Variants in MRPL48 observed in about 807,000 individuals in gnomAD.
The protein encoded by MRPL48 is large ribosomal subunit protein mL48.
A neutral mutation model predicts 32.9 loss-of-function variants in MRPL48; 16 were observed. The ratio of observed to expected loss-of-function variants is 0.49; its 90% CI spans 0.33 to 0.74. The LOEUF is 0.74. MRPL48 is among the 30% of genes least tolerant of loss of function. The probability of loss-of-function intolerance (pLI) is 0.02; values close to 1 mark genes in which losing one functional copy is unlikely to be tolerated. For synonymous variants in MRPL48, 94 were observed against 89.2 expected, an observed-to-expected ratio of 1.05 and a Z score of -0.31; for missense variants, 206 against 245.3, an observed-to-expected ratio of 0.84 and a Z score of 1.07.
At position 73,825,715 on chromosome 11, in the gene MRPL48, TC is replaced by T; in HGVS notation, c.121del (p.Leu41TyrfsTer2). On this transcript the variant is annotated frameshift_variant, in exon 4 of 8. Coordinates refer to ENST00000310614, the MANE Select transcript of MRPL48 (RefSeq NM_016055.6). LOFTEE classifies it high-confidence loss of function. ...EKPIYSVGGILLSISRPYKTK... is the reference protein window; with the variant it reads ...EKPIYSVGGIXLSISRPYKTK... ...TTATTTTCTCTCTTTTAGGTGGAAT[TC>T]TACTAAGTATCAGTCGGCCCTACAA... is the stretch of plus-strand genomic sequence containing the variant. 1 of 1,560,648 alleles carries T rather than the reference TC, an allele frequency of 6.4e-7. No individual in the cohort carries two copies. The highest frequency in any genetic ancestry group is 8.7e-7 in the Non-Finnish European group (1 of 1,152,168).
rs58486952 is a variant in MRPL48 at position 73,853,680 on chromosome 11, C to CTTTTTTTTTTTTTTTTTTTT, written c.372-6218_372-6199dup. Among the ~76,000 whole-genome samples the CTTTTTTTTTTTTTTTTTTTT allele has an allele frequency of 7.6e-5, 6 of 79,118 alleles. 2 individuals carry two copies. Among genetic ancestry groups the CTTTTTTTTTTTTTTTTTTTT allele is most frequent in the Non-Finnish European group, 1.2e-4 (5 of 41,842 alleles). The allele number at this position is 79,118 out of a possible 152,430, so 51.9% of individuals were successfully genotyped here. On this transcript the variant is annotated intron_variant, in intron 5 of 7. Transcript: ENST00000310614. ...AGCTGGCGGGAATTAGAGATAGCTTCTTTTTTTTTTTTTTTTTTTTTTTTT... is the reference window on the plus strand; with the variant it reads ...AGCTGGCGGGAATTAGAGATAGCTTCTTTTTTTTTTTTTTTTTTTTTTTTTTTTTTTTTTTTTTTTTTTTT...
At chr11:73,793,858 GT>G (rs1293232778) in intron 1 of MRPL48, among the ~76,000 whole-genome samples, 13,252 of 113,868 alleles carry the variant, frequency 0.12, 685 homozygotes, top group African/African-American at 0.2. Flanking sequence ...CTTGTTTCGT[GT>G]TTTTTTTTTT....
Position 73,794,568 on chromosome 11 carries a change from A to T in MRPL48, c.21+6576A>T, listed in dbSNP as rs574791632. Among the ~76,000 whole-genome samples, 462 of 151,996 alleles carry T rather than the reference A, an allele frequency of 3.0e-3. 3 individuals carry two copies. Among genetic ancestry groups the T allele is most frequent in the Admixed American group, 4.8e-3 (73 of 15,234 alleles). On this transcript the variant is annotated intron_variant, in intron 1 of 7. Coordinates refer to ENST00000310614, the MANE Select transcript of MRPL48 (RefSeq NM_016055.6). ...GAAACTCCATCTCTGGAAAAAAAAA[A>T]AAAATTTAAATCAGGTCAGACAAAC...
chr11:73,845,416 T>C (rs1041975535), intron 5 of MRPL48, among the ~76,000 whole-genome samples: 1 of 152,196 alleles, frequency 6.6e-6, no homozygotes, highest in African/African-American at 2.4e-5. Context: ...TGATATCAAA[T>C]GCATTCATAA....
chr11:73,840,603 G>T (rs916214381), intron 4 of MRPL48, among the ~76,000 whole-genome samples: 1 of 152,084 alleles, frequency 6.6e-6, no homozygotes, highest in African/African-American at 2.4e-5. Flanking sequence ...AGGTTGAAGC[G>T]ATTCTCCTGC....
intron 3 of MRPL48, among the ~76,000 whole-genome samples, chr11:73,824,239 C>T (rs775290041): frequency 5.3e-5 from 8 of 152,046 alleles, no homozygotes; most frequent in Non-Finnish European, 8.8e-5. Flanking sequence ...GTTCACTTAA[C>T]GATATTTGTT....
intron 3 of MRPL48, among the ~76,000 whole-genome samples, chr11:73,816,228 A>AT (rs1255357680): frequency 6.8e-5 from 10 of 148,108 alleles, no homozygotes; most frequent in African/African-American, 2.2e-4. Flanking sequence ...TGCCCAGCTA[A>AT]TTTTTTGTAT....
chr11:73,795,568 G>A (rs1347072599), intron 1 of MRPL48, among the ~76,000 whole-genome samples: 4 of 150,708 alleles, frequency 2.7e-5, no homozygotes, highest in Admixed American at 6.6e-5. Flanking sequence ...GTACAGTGGC[G>A]CGATCTCCGC....
intron 5 of MRPL48, among the ~76,000 whole-genome samples, chr11:73,857,550 C>T (rs1037916612): frequency 4.1e-5 from 6 of 146,338 alleles, no homozygotes; most frequent in Admixed American, 3.4e-4. Flanking sequence ...AAAGTGCTCA[C>T]ATTATAGGTG....
At chr11:73,805,134 T>A in intron 2 of MRPL48, 55 bp downstream of exon 2, 1 of 1,414,784 alleles carries the variant, frequency 7.1e-7, no homozygotes, top group Non-Finnish European at 9.7e-7. Flanking sequence ...TTTGGCTTCA[T>A]AGTTCACACA....
At chr11:73,790,062 ATTTTTTTTT>A (rs34534770) in intron 1 of MRPL48, among the ~76,000 whole-genome samples, 15 of 103,808 alleles carry the variant, frequency 1.4e-4, no homozygotes, top group East Asian at 6.0e-4. Context: ...TGCTCAGCTA[ATTTTTTTTT>A]TTTTTTTTTT....
At chr11:73,846,155 G>A (rs940063389) in intron 5 of MRPL48, among the ~76,000 whole-genome samples, 1 of 149,540 alleles carries the variant, frequency 6.7e-6, no homozygotes, top group Non-Finnish European at 1.5e-5. Flanking sequence ...CCTCCCCTAA[G>A]CTCCTGGTAA....
At chr11:73,812,986 G>C (rs1947596162) in intron 3 of MRPL48, among the ~76,000 whole-genome samples, 1 of 151,272 alleles carries the variant, frequency 6.6e-6, no homozygotes, top group African/African-American at 2.4e-5. Flanking sequence ...CCTGACCTCA[G>C]GTGATCCACC....
chr11:73,817,844 GC>G, intron 3 of MRPL48: 1 of 393,406 alleles, frequency 2.5e-6, no homozygotes, highest in Non-Finnish European at 5.1e-6. Context: ...CTTGCTTGTG[GC>G]CCAGGCTTGA....
At chr11:73,836,909 G>A (rs1948112996) in intron 4 of MRPL48, among the ~76,000 whole-genome samples, 1 of 152,194 alleles carries the variant, frequency 6.6e-6, no homozygotes, top group Non-Finnish European at 1.5e-5. Context: ...TCTAAGTCTA[G>A]TGCACTTTAT....
intron 4 of MRPL48, among the ~76,000 whole-genome samples, chr11:73,844,112 C>T (rs1183781921): frequency 6.6e-6 from 1 of 151,634 alleles, no homozygotes; most frequent in Non-Finnish European, 1.5e-5. Context: ...CTCATAGACC[C>T]CTTAATTCAT....
intron 3 of MRPL48, among the ~76,000 whole-genome samples, chr11:73,819,661 A>G (rs1565413563): frequency 6.6e-6 from 1 of 152,188 alleles, no homozygotes; most frequent in Non-Finnish European, 1.5e-5. Flanking sequence ...ATTTTAAAAC[A>G]ATTGTCCAGC....
Position 73,844,388 on chromosome 11 carries a change from G to A in MRPL48, c.202-419G>A, listed in dbSNP as rs577379938. Among the ~76,000 whole-genome samples the A allele has an allele frequency of 3.9e-5, 6 of 152,052 alleles. 1 individual carries two copies. The South Asian group carries it at 8.3e-4, about 21-fold the overall frequency. ...AGAGGTTGCAGTGAGCCGAGATTGC[G>A]CCACTGCCACTCCAGCCTGGGTGAC... On this transcript the variant is annotated intron_variant, in intron 4 of 7. Coordinates refer to ENST00000310614, the MANE Select transcript of MRPL48 (RefSeq NM_016055.6).
chr11:73,816,364 C>T (rs942949168), intron 3 of MRPL48, among the ~76,000 whole-genome samples: 1 of 150,224 alleles, frequency 6.7e-6, no homozygotes, highest in African/African-American at 2.4e-5. Context: ...CCGGCCGGAA[C>T]TACTTTTTAA....
Sources: gnomAD v4.1 joint callset for allele counts (sites outside exome capture counted in the v4.1 genomes callset) on GRCh38, gnomAD v4.1.1 for gene constraint, MANE v1.5 for transcripts, NCBI Gene and HGNC (gene_info 2026-07-23, HGNC 2026-07-21) for gene names.